HPCAL1: variants seen among roughly 807,000 people sequenced by gnomAD.
The protein encoded by HPCAL1 is hippocalcin-like protein 1.
A neutral mutation model predicts 17.1 loss-of-function variants in HPCAL1; 8 were observed. The ratio of observed to expected loss-of-function variants is 0.47; its 90% confidence interval spans 0.27 to 0.84. HPCAL1 has a LOEUF of 0.84. Ranked by LOEUF, HPCAL1 falls within the 40% of genes least tolerant of loss-of-function variation. HPCAL1 has a pLI of 0.13. For missense variants in HPCAL1, 165 were observed against 271.1 expected, an observed-to-expected ratio of 0.61 and a Z score of 2.75; for synonymous variants, 112 against 111.4, an observed-to-expected ratio of 1.01 and a Z score of -0.03.
In HPCAL1 at chr2:10,395,593, T is replaced by C. The variant is rs1668971416; in HGVS notation, c.-110-1242T>C. Among the ~76,000 whole-genome samples, 1 of 152,192 alleles carries C rather than the reference T, an allele frequency of 6.6e-6. No individual in the cohort carries two copies. Among genetic ancestry groups the C allele is most frequent in the African/African-American group, 2.4e-5 (1 of 41,438 alleles). Reference sequence around the variant, plus strand: ...TCTAGGGTGAACAAGCCACTTCGTCTAGTGGGTGCTTGTAAAGCGGGATCG... The same window carrying C: ...TCTAGGGTGAACAAGCCACTTCGTCCAGTGGGTGCTTGTAAAGCGGGATCG... On this transcript the variant is annotated intron_variant, in intron 1 of 4. Coordinates refer to ENST00000307845, the MANE Select transcript of HPCAL1 (RefSeq NM_002149.4). The surrounding 1 kb of genome is among the most constrained non-coding windows in gnomAD (Gnocchi z 4.4).
At chr2:10,334,489 T>C (rs12469133) in intron 1 of HPCAL1, among the ~76,000 whole-genome samples, 94,768 of 151,442 alleles carry the variant, frequency 0.63, 29,928 homozygotes, top group East Asian at 0.81. Context: ...GCCTGGATGA[T>C]GGAGTGGAGT....
chr2:10,324,075 C>G (rs183423446), intron 1 of HPCAL1, among the ~76,000 whole-genome samples: 2 of 152,358 alleles, frequency 1.3e-5, no homozygotes, highest in East Asian at 3.9e-4. Context: ...TTTCATCTTG[C>G]TGTTTTCCAG....
chr2:10,370,499 G>A (rs1667136377), intron 1 of HPCAL1, among the ~76,000 whole-genome samples: 1 of 152,252 alleles, frequency 6.6e-6, no homozygotes. Flanking sequence ...AGGCTTCAAG[G>A]AGCAGAGGAG....
At chr2:10,348,005 C>G (rs1424984121) in intron 1 of HPCAL1, among the ~76,000 whole-genome samples, 2 of 152,130 alleles carry the variant, frequency 1.3e-5, no homozygotes, top group Non-Finnish European at 2.9e-5. Flanking sequence ...TGCTTTAACA[C>G]AGTGATTAGA....
At chr2:10,355,278 C>T (rs926288049) in intron 1 of HPCAL1, among the ~76,000 whole-genome samples, 3 of 151,072 alleles carry the variant, frequency 2.0e-5, no homozygotes, top group Admixed American at 6.6e-5. Context: ...GGGGAAACCC[C>T]GTCTCTACTA....
intron 1 of HPCAL1, among the ~76,000 whole-genome samples, chr2:10,335,025 C>T (rs1018436427): frequency 1.3e-5 from 2 of 152,148 alleles, no homozygotes; most frequent in African/African-American, 4.8e-5. Flanking sequence ...ACAGTTAGGT[C>T]ACTTCCATTT....
chr2:10,399,046 G>A (rs1423222343), intron 2 of HPCAL1, among the ~76,000 whole-genome samples: 1 of 151,818 alleles, frequency 6.6e-6, no homozygotes, highest in African/African-American at 2.4e-5. Flanking sequence ...GGTGCACAGG[G>A]GAGGCGCCTG....
intron 1 of HPCAL1, among the ~76,000 whole-genome samples, chr2:10,349,661 C>G (rs1665708636): frequency 8.4e-6 from 1 of 119,186 alleles, no homozygotes; most frequent in Non-Finnish European, 1.6e-5. Flanking sequence ...CGAGATCATG[C>G]CACTGCACTC....
chr2:10,348,610 A>T (rs201517641), intron 1 of HPCAL1, among the ~76,000 whole-genome samples: 32,156 of 149,294 alleles, frequency 0.22, 3,903 homozygotes, highest in African/African-American at 0.31. Context: ...CAAAAAAAAA[A>T]AAATATATAT....
intron 1 of HPCAL1, among the ~76,000 whole-genome samples, chr2:10,329,838 A>G (rs1387807402): frequency 6.6e-6 from 1 of 152,238 alleles, no homozygotes; most frequent in Non-Finnish European, 1.5e-5. Context: ...CTTTGAGGTG[A>G]CGTTGGTCAC....
At chr2:10,390,036 G>A (rs772694885) in intron 1 of HPCAL1, among the ~76,000 whole-genome samples, 3 of 152,236 alleles carry the variant, frequency 2.0e-5, no homozygotes, top group Non-Finnish European at 4.4e-5. Flanking sequence ...AGTGGGAGTG[G>A]CAGCAGGAGC....
intron 2 of HPCAL1, among the ~76,000 whole-genome samples, chr2:10,403,435 C>T (rs1399409362): frequency 6.6e-6 from 1 of 150,760 alleles, no homozygotes; most frequent in African/African-American, 2.5e-5. Flanking sequence ...AAATGATGCC[C>T]TCATAACAAA....
chr2:10,337,384 G>A (rs1029508533), intron 1 of HPCAL1, among the ~76,000 whole-genome samples: 3 of 152,086 alleles, frequency 2.0e-5, no homozygotes, highest in Non-Finnish European at 4.4e-5. Context: ...AACTGTCACT[G>A]CATTTGCTGT....
chr2:10,339,352 C>T (rs376078029), intron 1 of HPCAL1, among the ~76,000 whole-genome samples: 8 of 151,762 alleles, frequency 5.3e-5, no homozygotes, highest in African/African-American at 1.9e-4. Context: ...GTCACCCAGG[C>T]TGGAGTGCAG....
At chr2:10,402,374 G>A (rs1239155836) in intron 2 of HPCAL1, among the ~76,000 whole-genome samples, 1 of 152,198 alleles carries the variant, frequency 6.6e-6, no homozygotes, top group Non-Finnish European at 1.5e-5. Flanking sequence ...TGTGTGTATG[G>A]GTGGGTGCGT....
chr2:10,303,265 T>A (rs1662382202), intron 1 of HPCAL1, 88 bp downstream of exon 1: 1 of 152,378 alleles, frequency 6.6e-6, no homozygotes, highest in Admixed American at 6.5e-5. Flanking sequence ...AGCGCTGCGA[T>A]CCGGCTCTTT....
chr2:10,415,365 C>T (rs370475207), intron 2 of HPCAL1, among the ~76,000 whole-genome samples: 6 of 152,310 alleles, frequency 3.9e-5, no homozygotes, highest in African/African-American at 1.4e-4. Context: ...TCCCAGGTGC[C>T]CCGCACCCCC....
intron 1 of HPCAL1, among the ~76,000 whole-genome samples, chr2:10,337,502 A>AT (rs1257810307): frequency 6.6e-6 from 1 of 152,310 alleles, no homozygotes; most frequent in East Asian, 1.9e-4. Flanking sequence ...CTATAACAGC[A>AT]TATCTAGCTT....
rs1172247921 is a variant in HPCAL1, at chr2:10,372,149, G to A, written c.-110-24686G>A. Among the ~76,000 whole-genome samples, 9 of 152,334 alleles carry A rather than the reference G, an allele frequency of 5.9e-5. No individual in the cohort carries two copies. The South Asian group carries it at 1.7e-3, about 28-fold the overall frequency. ...CTTTTCACCATCTGGTCTGGTTTTA[G>A]TGTTGCTTTATTTCTGGTCATTCCT... On this transcript the variant is annotated intron_variant, in intron 1 of 4. Coordinates refer to ENST00000307845, the MANE Select transcript of HPCAL1 (RefSeq NM_002149.4).
Sources: gnomAD v4.1 joint callset for allele counts (sites outside exome capture counted in the v4.1 genomes callset) on GRCh38, gnomAD v4.1.1 for gene constraint, Gnocchi (gnomAD v3.1) non-coding constraint, MANE v1.5 for transcripts, NCBI Gene and HGNC (gene_info 2026-07-23, HGNC 2026-07-21) for gene names.